The following KIF6 variants were observed in gnomAD, a reference collection of about 807,000 sequenced individuals.
KIF6 encodes the protein kinesin family member 6.
In KIF6, 106 loss-of-function variants were observed where a neutral mutation model predicts 112.7. That is an observed-to-expected ratio of 0.94 (90% CI 0.80 to 1.11). KIF6 has a LOEUF of 1.11. KIF6 is among the 50% of genes least tolerant of loss of function. The pLI is 0.00. For synonymous variants in KIF6, 339 were observed against 339.9 expected (o/e 1.00, Z 0.03); for missense variants, 929 against 964.0 (o/e 0.96, Z 0.48).
chr6:39,619,801 AT>A (rs1783716728), intron 5 of KIF6, among the ~76,000 whole-genome samples: 1 of 152,218 alleles, frequency 6.6e-6, no homozygotes, highest in South Asian at 2.1e-4. Context: ...TAATTTAATC[AT>A]TTCACTAAGA....
At chr6:39,576,843 C>G (rs1302932878) in intron 10 of KIF6, among the ~76,000 whole-genome samples, 2 of 152,192 alleles carry the variant, frequency 1.3e-5, no homozygotes, top group African/African-American at 4.8e-5. Context: ...ATATTAAATT[C>G]CTTTTGTTAA....
intron 5 of KIF6, among the ~76,000 whole-genome samples, chr6:39,614,656 AC>A (rs1199164464): frequency 6.6e-6 from 1 of 152,196 alleles, no homozygotes. Flanking sequence ...CTTCAACAAT[AC>A]CAGCAAAAAT....
At chr6:39,658,977 T>C (rs1288911540) in intron 3 of KIF6, among the ~76,000 whole-genome samples, 1 of 152,202 alleles carries the variant, frequency 6.6e-6, no homozygotes, top group Admixed American at 6.5e-5. Context: ...CAAACTATCC[T>C]GGACAGAGGA....
chr6:39,617,814 TG>T (rs1229828449), intron 5 of KIF6: 41 of 449,154 alleles, frequency 9.1e-5, no homozygotes, highest in Non-Finnish European at 1.5e-4. Flanking sequence ...TGACAATGGG[TG>T]GGGGTGCACC....
At chr6:39,565,079 A>G (rs562989940) in intron 10 of KIF6, among the ~76,000 whole-genome samples, 1 of 152,278 alleles carries the variant, frequency 6.6e-6, no homozygotes, top group Non-Finnish European at 1.5e-5. Flanking sequence ...AAAGTGTCTA[A>G]TTCTAGATTT....
chr6:39,363,912 G>T (rs1490755722), intron 16 of KIF6, among the ~76,000 whole-genome samples: 1 of 152,130 alleles, frequency 6.6e-6, no homozygotes, highest in Non-Finnish European at 1.5e-5. Context: ...TCACTACTTT[G>T]CAGGGTAGTG....
At chr6:39,644,660 G>A (rs1365090347) in intron 3 of KIF6, among the ~76,000 whole-genome samples, 1 of 152,170 alleles carries the variant, frequency 6.6e-6, no homozygotes, top group Non-Finnish European at 1.5e-5. Context: ...CTAGAAGGAA[G>A]GGAAAATGGA....
intron 15 of KIF6, among the ~76,000 whole-genome samples, chr6:39,398,773 T>G (rs981411592): frequency 7.9e-5 from 12 of 152,226 alleles, no homozygotes; most frequent in African/African-American, 2.2e-4. Context: ...TTCATACAGT[T>G]TATCTATGCC....
intron 14 of KIF6, among the ~76,000 whole-genome samples, chr6:39,420,891 T>C (rs751020647): frequency 7.9e-5 from 12 of 152,186 alleles, no homozygotes; most frequent in Admixed American, 7.2e-4. Context: ...TAGATTGCTG[T>C]GCTAATGTTT....
chr6:39,576,970 C>T (rs1433944578), intron 10 of KIF6, among the ~76,000 whole-genome samples: 1 of 152,108 alleles, frequency 6.6e-6, no homozygotes, highest in Non-Finnish European at 1.5e-5. Flanking sequence ...AAAGGAACAC[C>T]ATAGTGAAGA....
At chr6:39,563,980 A>G (rs1392813625) in intron 10 of KIF6, among the ~76,000 whole-genome samples, 1 of 152,256 alleles carries the variant, frequency 6.6e-6, no homozygotes, top group Non-Finnish European at 1.5e-5. Flanking sequence ...TTACAGGAAA[A>G]GTTAGACTAT....
chr6:39,503,358 T>C (rs1476425848), intron 13 of KIF6, among the ~76,000 whole-genome samples: 3 of 152,156 alleles, frequency 2.0e-5, no homozygotes, highest in Non-Finnish European at 4.4e-5. Flanking sequence ...CGAGAGAAAT[T>C]TGTAGCACTA....
At chr6:39,590,447 A>T (rs57818888) in intron 7 of KIF6, among the ~76,000 whole-genome samples, 1,329 of 114,026 alleles carry the variant, frequency 0.012, 39 homozygotes, top group African/African-American at 0.049. Flanking sequence ...ATATATATAT[A>T]TATATTTTTT....
At chr6:39,344,106 A>C (rs1237430093) in intron 21 of KIF6, among the ~76,000 whole-genome samples, 1 of 152,112 alleles carries the variant, frequency 6.6e-6, no homozygotes, top group African/African-American at 2.4e-5. Flanking sequence ...GTGTTGTGGG[A>C]GGGACCAGGT....
intron 3 of KIF6, among the ~76,000 whole-genome samples, chr6:39,640,655 T>C (rs1001783458): frequency 6.6e-6 from 1 of 152,124 alleles, no homozygotes; most frequent in African/African-American, 2.4e-5. Context: ...CTATTAGTTC[T>C]GTCAACATCC....
intron 6 of KIF6, among the ~76,000 whole-genome samples, chr6:39,612,616 T>A (rs1189245091): frequency 2.0e-5 from 3 of 152,182 alleles, no homozygotes; most frequent in Non-Finnish European, 4.4e-5. Flanking sequence ...TGCACTGAGA[T>A]ATACACACTA....
At chr6:39,613,990 G>T (rs145825330) in intron 5 of KIF6, among the ~76,000 whole-genome samples, 2 of 152,052 alleles carry the variant, frequency 1.3e-5, no homozygotes, top group African/African-American at 4.8e-5. Context: ...CTTAGATCTG[G>T]AATTACATTC....
intron 3 of KIF6, among the ~76,000 whole-genome samples, chr6:39,699,930 T>C (rs534881851): frequency 6.6e-6 from 1 of 152,362 alleles, no homozygotes; most frequent in East Asian, 1.9e-4. Context: ...TCAATGGATA[T>C]AATTGAAAGC....
intron 2 of KIF6, among the ~76,000 whole-genome samples, chr6:39,718,229 C>CA (rs35872391): frequency 0.03 from 1,763 of 58,758 alleles, 79 homozygotes; most frequent in Non-Finnish European, 0.039. Flanking sequence ...GACTCCATCT[C>CA]AAAAAAAAAA....
Sources: allele counts gnomAD v4.1 joint callset (sites outside exome capture counted in the v4.1 genomes callset), GRCh38; gene constraint gnomAD v4.1.1; transcripts MANE v1.5; gene names NCBI Gene and HGNC (gene_info 2026-07-23, HGNC 2026-07-21).